Variants in STAG3 observed in about 807,000 individuals in gnomAD.
STAG3 encodes cohesin subunit SA-3.
STAG3 carries 101 observed loss-of-function variants against 160.7 expected under a neutral mutation model. That is an observed-to-expected ratio of 0.63 (90% confidence interval 0.54 to 0.74). STAG3 has a LOEUF of 0.74. Ranked by LOEUF, STAG3 falls within the 30% of genes least tolerant of loss-of-function variation. The probability of loss-of-function intolerance (pLI) is 0.00; values close to 1 mark genes in which losing one functional copy is unlikely to be tolerated. For missense variants in STAG3, 1,188 were observed against 1,517.4 expected (o/e 0.78, Z 3.61); for synonymous variants, 519 against 585.0 (o/e 0.89, Z 1.63).
rs539912996 is a variant in STAG3 at position 100,198,892 on chromosome 7, C to T, written c.1402C>T (p.Arg468Cys). 1.5e-5 allele frequency: 24 copies of T among 1,612,248 alleles called. No individual in the cohort carries two copies. Among genetic ancestry groups the T allele is most frequent in the Middle Eastern group, 2.3e-4 (1 of 4,438 alleles). ...EIRMMGGREQ[R>C]QSPGAQRTFF... ...AAGAATGATGGGTGGAAGAGAGCAA[C>T]GCCAGAGCCCAGGCGCCCAGAGGAC... Residue 468 changes from arginine (R) to cysteine (C), a missense_variant, in exon 14 of 34, where the codon CGC (arginine) becomes TGC (cysteine). Physicochemically the swap from Arg to Cys is radical, Grantham distance 180. This residue lies in a region of STAG3 where 240 missense variants were observed against 358.1 expected (regional missense o/e 0.67). Transcript: ENST00000615138.
rs1344997749 is a variant in STAG3, at chr7:100,210,998, A to G, written c.3239-13A>G. 7.4e-6 allele frequency: 12 copies of G among 1,611,042 alleles called. No homozygotes were observed. In the East Asian group the frequency reaches 2.7e-4, roughly 36 times the overall value. ...GCCCTGGGCTGTGGTTAATGTATGC[A>G]TCTGCTTGGCAGGGCCTGCCAAGCC... On this transcript the variant is annotated splice_polypyrimidine_tract_variant and intron_variant, in intron 29 of 33. Coordinates refer to ENST00000615138, the MANE Select transcript of STAG3 (RefSeq NM_001282717.2).
rs1802553681 is a variant in STAG3 at position 100,214,100 on chromosome 7, G to T, written c.*85G>T. On this transcript the variant is annotated 3_prime_UTR_variant, in exon 34 of 34. Transcript: ENST00000615138. Reference sequence around the variant, plus strand: ...AAGGCAAAGAGAAAAGGAGCAAAATGAAGCATTCCCCCAGGCTTCAGCCCT... The same window carrying T: ...AAGGCAAAGAGAAAAGGAGCAAAATTAAGCATTCCCCCAGGCTTCAGCCCT... 3.9e-6 allele frequency: 6 copies of T among 1,538,768 alleles called. No individual in the cohort carries two copies. The highest frequency in any genetic ancestry group is 2.7e-5 in the African/African-American group (2 of 73,262).
rs758650230 is a variant in STAG3, at chr7:100,200,446, A to G, written c.1771-7A>G. On this transcript the variant is annotated splice_polypyrimidine_tract_variant and splice_region_variant and intron_variant, in intron 17 of 33. Coordinates refer to ENST00000615138, the MANE Select transcript of STAG3 (RefSeq NM_001282717.2). ...TTGTAAGGAGGCCTCCCTGTCAATC[A>G]TCACAGTTCTCAGCTGATGCAGAGA... The G allele has an allele frequency of 5.6e-6, 9 of 1,613,944 alleles. No individual in the cohort carries two copies. Among genetic ancestry groups the G allele is most frequent in the South Asian group, 1.1e-5 (1 of 91,082 alleles).
intron 24 of STAG3, 40 bp from the exon 25 acceptor site, chr7:100,202,414 C>A (rs754349551): frequency 4.5e-5 from 73 of 1,610,006 alleles, no homozygotes; most frequent in Admixed American, 2.7e-4. Flanking sequence ...GGGCAGGAAG[C>A]TTAAGTCTGT....
rs775113819 is a variant in STAG3 at position 100,199,616 on chromosome 7, C to A, written c.1649C>A (p.Pro550Gln). Reference sequence around the variant, plus strand: ...GCCCGGCAAGCTTCAGAGGGGCACCCGCCTGTGGGCCGGGTCACTGGGAGG... The same window carrying A: ...GCCCGGCAAGCTTCAGAGGGGCACCAGCCTGTGGGCCGGGTCACTGGGAGG... ...SSARQASEGH[P>Q]PVGRVTGRKG... The change falls in exon 16 of 34, where the codon CCG (proline) becomes CAG (glutamine). Residue 550 changes from proline (P) to glutamine (Q), a missense_variant. Coordinates refer to ENST00000615138, the MANE Select transcript of STAG3 (RefSeq NM_001282717.2). The A allele has an allele frequency of 6.2e-7, 1 of 1,602,654 alleles. No homozygotes were observed. The highest frequency in any genetic ancestry group is 1.3e-5 in the African/African-American group (1 of 74,912).
chr7:100,194,718 C>T (rs1800569867), intron 8 of STAG3, among the ~76,000 whole-genome samples: 1 of 152,102 alleles, frequency 6.6e-6, no homozygotes, highest in Non-Finnish European at 1.5e-5. Flanking sequence ...TTGCTCGAGT[C>T]CAGGAGGTGG....
chr7:100,193,578 GT>G lies in STAG3; in HGVS notation c.868-1729del, dbSNP rs753075242. 7.2e-4 allele frequency among the ~76,000 whole-genome samples: 110 copies of G among 152,318 alleles called. 1 individual carries two copies. Among genetic ancestry groups the G allele is most frequent in the Admixed American group, 2.1e-3 (32 of 15,306 alleles). Reference sequence around the variant, plus strand: ...TTGCTGCTTCACCGTGTACTTTTATGTTATGGAGAGGGCTTCTTTCCTTAAA... The same window carrying G: ...TTGCTGCTTCACCGTGTACTTTTATGTATGGAGAGGGCTTCTTTCCTTAAA... On this transcript the variant is annotated intron_variant, in intron 8 of 33. Coordinates refer to ENST00000615138, the MANE Select transcript of STAG3 (RefSeq NM_001282717.2).
In STAG3 at chr7:100,200,848, A is replaced by T; in HGVS notation, c.1940A>T (p.His647Leu). ...AEPAVLEAGA[H>L]ALYLLCNPEF... is the part of the protein sequence containing the mutation. ...CCAGCGGTGCTTGAGGCTGGGGCGC[A>T]TGCCCTCTACCTGCTCTGTAATCCC... Residue 647 changes from histidine (H) to leucine (L), a missense_variant, in exon 19 of 34, where the codon CAT (histidine) becomes CTT (leucine). His to Leu is a moderately conservative substitution (Grantham distance 99, BLOSUM62 -3). Around this residue, in one of 4 missense-constraint regions of STAG3, gnomAD observed 647 missense variants for 717.2 expected, o/e 0.90. Transcript: ENST00000615138. The T allele has an allele frequency of 1.2e-6, 2 of 1,614,180 alleles. No individual in the cohort carries two copies. The highest frequency in any genetic ancestry group is 1.1e-5 in the South Asian group (1 of 91,086).
chr7:100,186,035 T>G (rs1269441144), intron 4 of STAG3, among the ~76,000 whole-genome samples, 165 bp from the exon 5 acceptor site: 4 of 152,244 alleles, frequency 2.6e-5, no homozygotes, highest in Non-Finnish European at 5.9e-5. Flanking sequence ...CACCTCATTT[T>G]TGGCCTATAT....
chr7:100,190,556 CT>C (rs774096391), intron 8 of STAG3, among the ~76,000 whole-genome samples: 27 of 152,012 alleles, frequency 1.8e-4, no homozygotes, highest in Non-Finnish European at 3.1e-4. Flanking sequence ...TTTTCTTTTT[CT>C]TTTTTGGCTT....
At chr7:100,199,830 C>T (rs1022129670) in intron 16 of STAG3, among the ~76,000 whole-genome samples, 186 bp downstream of exon 16, 3 of 149,114 alleles carry the variant, frequency 2.0e-5, no homozygotes, top group Admixed American at 6.8e-5. Context: ...CTGAGGCAGG[C>T]AGATCACGAG....
intron 8 of STAG3, among the ~76,000 whole-genome samples, chr7:100,194,215 A>C (rs1800537758): frequency 6.6e-6 from 1 of 152,150 alleles, no homozygotes; most frequent in Non-Finnish European, 1.5e-5. Context: ...AAGTGCTGGG[A>C]TTATAGGTGT....
chr7:100,192,820 G>A (rs1800422472), intron 8 of STAG3, among the ~76,000 whole-genome samples: 1 of 152,120 alleles, frequency 6.6e-6, no homozygotes, highest in Non-Finnish European at 1.5e-5. Context: ...TGAACTCCTG[G>A]GCTTAATCAG....
rs370467752 is a variant in STAG3 at position 100,211,444 on chromosome 7, C to G, written c.3423C>G (p.Pro1141=). ...CCTGCTTCATTCCCAGCAGTCAGCC[C>G]GTCGCAGGCACCGAGAGGTCAAGGT... is the stretch of plus-strand genomic sequence containing the variant. ...SELDFAQGSQ[P]VAGTERSRFL... Residue 1141 remains proline, a synonymous_variant, in exon 31 of 34, where the codon CCC becomes CCG. Coordinates refer to ENST00000615138, the MANE Select transcript of STAG3 (RefSeq NM_001282717.2). The G allele has an allele frequency of 1.2e-6, 2 of 1,613,342 alleles. No homozygotes were observed. Among genetic ancestry groups the G allele is most frequent in the Non-Finnish European group, 8.5e-7 (1 of 1,179,836 alleles).
intron 1 of STAG3, among the ~76,000 whole-genome samples, chr7:100,180,192 T>C (rs1222284297): frequency 6.6e-6 from 1 of 152,152 alleles, no homozygotes; most frequent in Admixed American, 6.5e-5. Flanking sequence ...AATAGCTGAA[T>C]ACAGGCATGC....
Position 100,213,758 on chromosome 7 carries a change from C to T in STAG3, c.3624C>T (p.Thr1208=). The part of the protein sequence containing the change: ...TDMQASSYSS[T]SERGLDLLDS... ...AGCAAGCAAGTAGCTACTCTTCCACCAGTGAGCGCGGGCTGGACCTCTTAG... is the reference window on the plus strand; with the variant it reads ...AGCAAGCAAGTAGCTACTCTTCCACTAGTGAGCGCGGGCTGGACCTCTTAG... Residue 1208 remains threonine (T), a synonymous_variant, in exon 33 of 34, where the codon ACC becomes ACT. Coordinates refer to ENST00000615138, the MANE Select transcript of STAG3 (RefSeq NM_001282717.2). 2.5e-6 allele frequency: 4 copies of T among 1,614,228 alleles called. No individual in the cohort carries two copies. The highest frequency in any genetic ancestry group is 3.4e-6 in the Non-Finnish European group (4 of 1,180,046).
At chr7:100,218,408 T>C (rs1028013332), downstream of STAG3, 2 of 208,178 alleles carry the variant, frequency 9.6e-6, no homozygotes, top group African/African-American at 4.6e-5. Context: ...GAACAGCTTG[T>C]GCCCTCGGTC....
At chr7:100,202,777 A>G (rs978470913) in intron 25 of STAG3, among the ~76,000 whole-genome samples, 187 bp downstream of exon 25, 10 of 152,344 alleles carry the variant, frequency 6.6e-5, no homozygotes, top group Non-Finnish European at 2.9e-5. Flanking sequence ...GTAAATAATT[A>G]TGGAGAAAAA....
intron 26 of STAG3, 94 bp downstream of exon 26, chr7:100,204,216 T>A (rs936635166): frequency 6.3e-6 from 6 of 948,724 alleles, no homozygotes; most frequent in African/African-American, 1.6e-5. Context: ...TTCAGAGCAG[T>A]AACTTTTCTT....
Sources: gnomAD v4.1 joint callset for allele counts (sites outside exome capture counted in the v4.1 genomes callset) on GRCh38, gnomAD v4.1.1 for gene constraint, gnomAD v4.1.1 regional missense constraint, MANE v1.5 for transcripts, NCBI Gene and HGNC (gene_info 2026-07-23, HGNC 2026-07-21) for gene names.